L3MBTL1: variants seen among roughly 807,000 people sequenced by gnomAD.
L3MBTL1 encodes L3MBTL histone methyl-lysine binding protein 1.
L3MBTL1 carries 75 observed loss-of-function variants against 105.3 expected under a neutral mutation model. The ratio of observed to expected loss-of-function variants is 0.71; its 90% CI spans 0.59 to 0.86. The LOEUF is 0.86. Among genes scored for constraint, L3MBTL1 ranks in the 40% least tolerant of loss-of-function variants. The pLI is 0.00. For synonymous variants in L3MBTL1, 452 were observed against 436.2 expected (o/e 1.04, Z -0.45); for missense variants, 1,069 against 1,126.4 (o/e 0.95, Z 0.73).
chr20:43,534,913 A>C lies in L3MBTL1; in HGVS notation c.1796A>C (p.Lys599Thr). ...PDIHPAGWCS[K>T]TGHPLQPPLG... ...ATCCACCCTGCCGGCTGGTGCTCCA[A>C]GACAGGACATCCCCTGCAGCCTCCT... The change falls in exon 16 of 22, where the codon AAG (lysine) becomes ACG (threonine). Residue 599 changes from lysine to threonine, a missense_variant. Transcript: ENST00000418998. The C allele has an allele frequency of 1.2e-6, 2 of 1,606,444 alleles. No individual in the cohort carries two copies. The highest frequency in any genetic ancestry group is 1.7e-6 in the Non-Finnish European group (2 of 1,178,894).
chr20:43,526,205 A>G (rs1348471241), intron 7 of L3MBTL1, among the ~76,000 whole-genome samples: 1 of 152,196 alleles, frequency 6.6e-6, no homozygotes, highest in Non-Finnish European at 1.5e-5. Flanking sequence ...TCAGCCCCTT[A>G]GCTGATGTTA....
intron 5 of L3MBTL1, 55 bp downstream of exon 5, chr20:43,515,214 ATTCCTG>A: frequency 6.2e-7 from 1 of 1,613,928 alleles, no homozygotes; most frequent in Non-Finnish European, 8.5e-7. Context: ...CCAAAGCCTC[ATTCCTG>A]TTCAGGGGTT....
At chr20:43,528,975 G>T in intron 8 of L3MBTL1, 2 of 602,434 alleles carry the variant, frequency 3.3e-6, no homozygotes. Flanking sequence ...CACTGGGCCT[G>T]CAGACTTTTG....
At chr20:43,528,860 A>G in intron 8 of L3MBTL1, 115 bp downstream of exon 8, 1 of 805,554 alleles carries the variant, frequency 1.2e-6, no homozygotes, top group Non-Finnish European at 2.1e-6. Context: ...GGACTGGCAG[A>G]ATGGAAAGGG....
intron 18 of L3MBTL1, among the ~76,000 whole-genome samples, chr20:43,546,919 G>A (rs1426319034): frequency 1.3e-5 from 2 of 151,992 alleles, no homozygotes; most frequent in African/African-American, 4.8e-5. Context: ...CAAATTGCAA[G>A]TAACTCCTTT....
At position 43,536,441 on chromosome 20, in the gene L3MBTL1, C is replaced by T. The variant is rs757375651; in HGVS notation, c.2156C>T (p.Pro719Leu). The change falls in exon 19 of 22, where the codon CCG (proline) becomes CTG (leucine). Residue 719 changes from proline (P) to leucine (L), a missense_variant. Pro to Leu is a moderately conservative substitution (Grantham distance 98). Coordinates refer to ENST00000418998, the MANE Select transcript of L3MBTL1 (RefSeq NM_001377303.1). ...IGRPPKYRKI[P>L]QEDFQTLTPD... is the part of the protein sequence containing the mutation. ...CGCCCTCCGAAGTATCGAAAGATTC[C>T]GCAGGAAGATTTCCAGAGTAAGTCT... 29 of 1,613,874 alleles carry T rather than the reference C, an allele frequency of 1.8e-5. No individual in the cohort carries two copies. The East Asian group carries it at 4.0e-4, about 22-fold the overall frequency.
Position 43,541,141 on chromosome 20 carries a change from T to G in L3MBTL1, c.*13T>G. The G allele has an allele frequency of 6.2e-7, 1 of 1,608,162 alleles. No homozygotes were observed. Among genetic ancestry groups the G allele is most frequent in the Non-Finnish European group, 8.5e-7 (1 of 1,175,276 alleles). On this transcript the variant is annotated 3_prime_UTR_variant, in exon 22 of 22. Coordinates refer to ENST00000418998, the MANE Select transcript of L3MBTL1 (RefSeq NM_001377303.1). The stretch of plus-strand genomic sequence containing the variant: ...TAGTCAATATTAAAGTGTACTTTTT[T>G]CCCCTTTAATCCAATATAGTTGATA...
intron 14 of L3MBTL1, 57 bp downstream of exon 14, chr20:43,534,150 C>T: frequency 6.4e-7 from 1 of 1,563,058 alleles, no homozygotes. Context: ...GAGCACTCAG[C>T]TAGCCAGGCT....
At chr20:43,509,508 T>C (rs2145362578) in intron 1 of L3MBTL1, among the ~76,000 whole-genome samples, 1 of 152,354 alleles carries the variant, frequency 6.6e-6, no homozygotes, top group East Asian at 1.9e-4. Flanking sequence ...ATTACAGGCA[T>C]GAGCCACCAG....
chr20:43,525,082 G>A (rs911561574), intron 7 of L3MBTL1, among the ~76,000 whole-genome samples: 1 of 150,752 alleles, frequency 6.6e-6, no homozygotes, highest in African/African-American at 2.4e-5. Context: ...ACTAGGAGTT[G>A]GAATCAGTAG....
chr20:43,545,173 C>T (rs867375278), downstream of L3MBTL1, among the ~76,000 whole-genome samples: 4 of 152,132 alleles, frequency 2.6e-5, no homozygotes, highest in South Asian at 8.3e-4. Flanking sequence ...CAAGAGCAGC[C>T]TGGCCAACAT....
rs1479075137 is a variant in L3MBTL1 at position 43,529,475 on chromosome 20, C to T, written c.1056+107C>T. The T allele has an allele frequency of 1.0e-5, 8 of 785,432 alleles. No individual in the cohort carries two copies. In the Middle Eastern group the frequency reaches 9.4e-4, roughly 92 times the overall value. 48.7% of individuals were successfully genotyped at this position (785,432 alleles called of 1,614,324 possible). A position where few individuals can be genotyped will look rare whatever the true frequency, so the allele number is the denominator to read the frequency against. On this transcript the variant is annotated intron_variant, in intron 9 of 21. Coordinates refer to ENST00000418998, the MANE Select transcript of L3MBTL1 (RefSeq NM_001377303.1). ...CACCTCCCTCCCCTCAGAGCACACA[C>T]AATCTAGTAGTGGATGAAGCTGGAA...
At chr20:43,546,843 A>G (rs937741548), downstream of L3MBTL1, among the ~76,000 whole-genome samples, 1 of 152,224 alleles carries the variant, frequency 6.6e-6, no homozygotes, top group African/African-American at 2.4e-5. Context: ...ACCCCTGAGG[A>G]CATAACTTGC....
At chr20:43,515,456 C>T (rs1454351725) in intron 6 of L3MBTL1, 41 bp downstream of exon 6, 1 of 1,536,476 alleles carries the variant, frequency 6.5e-7, no homozygotes, top group Middle Eastern at 1.7e-4. Context: ...GAAGCTATAG[C>T]CTATGCCTCA....
Position 43,532,887 on chromosome 20 carries a change from G to A in L3MBTL1, c.1399G>A (p.Val467Met). 1 of 1,614,104 alleles carries A rather than the reference G, an allele frequency of 6.2e-7. No individual in the cohort carries two copies. Among genetic ancestry groups the A allele is most frequent in the Non-Finnish European group, 8.5e-7 (1 of 1,180,016 alleles). The change falls in exon 12 of 22, where the codon GTG becomes ATG. Residue 467 changes from valine to methionine, a missense_variant. Transcript: ENST00000418998. The stretch of plus-strand genomic sequence containing the variant: ...CGATGTGGTGGACAGCCGCTTCCTG[G>A]TGCACTTTGACAACTGGGATGATAC... ...VTDVVDSRFLVHFDNWDDTYD... is the reference protein window; with the variant it reads ...VTDVVDSRFLMHFDNWDDTYD...
chr20:43,514,541 T>A (rs376452961), intron 3 of L3MBTL1, 94 bp from the exon 4 acceptor site: 3 of 1,582,830 alleles, frequency 1.9e-6, no homozygotes, highest in Non-Finnish European at 2.6e-6. Flanking sequence ...GGGCGTGAGC[T>A]GGCATGAGGC....
Position 43,550,034 on chromosome 20 carries a change from T to G in L3MBTL1, c.*1789T>G, listed in dbSNP as rs1038924565. 2.6e-5 allele frequency: 4 copies of G among 152,122 alleles called. No homozygotes were observed. The East Asian group carries it at 7.7e-4, about 29-fold the overall frequency. The allele number at this position is 152,122 out of a possible 1,614,324, so 9.4% of individuals were successfully genotyped here. A position where few individuals can be genotyped will look rare whatever the true frequency, so the allele number is the denominator to read the frequency against. On this transcript the variant is annotated 3_prime_UTR_variant, in exon 19 of 19. Transcript: ENST00000422861. Reference sequence around the variant, plus strand: ...GAGGCAGCTTTGAGCACAGCCTTCCTGGAAGGAAGCTAGGCAAGACCTGCC... The same window carrying G: ...GAGGCAGCTTTGAGCACAGCCTTCCGGGAAGGAAGCTAGGCAAGACCTGCC...
chr20:43,541,004 T>G lies in L3MBTL1; in HGVS notation c.2465T>G (p.Leu822Arg), dbSNP rs373550426. 3 of 1,614,046 alleles carry G rather than the reference T, an allele frequency of 1.9e-6. No homozygotes were observed. The African/African-American group carries it at 4.0e-5, about 22-fold the overall frequency. Residue 822 changes from leucine to arginine, a missense_variant, in exon 22 of 22, where the codon CTT (leucine) becomes CGT (arginine). Transcript: ENST00000418998. ...LVWTVAQLGDLVCSDHLQEGK... is the reference protein window; with the variant it reads ...LVWTVAQLGDRVCSDHLQEGK... ...TGGACTGTGGCCCAGCTTGGGGACCTTGTGTGCTCAGATCATCTTCAGGAA... is the reference window on the plus strand; with the variant it reads ...TGGACTGTGGCCCAGCTTGGGGACCGTGTGTGCTCAGATCATCTTCAGGAA...
chr20:43,526,003 C>T (rs2019012358), intron 7 of L3MBTL1, among the ~76,000 whole-genome samples: 1 of 151,782 alleles, frequency 6.6e-6, no homozygotes, highest in Non-Finnish European at 1.5e-5. Context: ...TAGTACAGGC[C>T]CAGGGAGGGA....
Sources: gnomAD v4.1 joint callset for allele counts (sites outside exome capture counted in the v4.1 genomes callset) on GRCh38, gnomAD v4.1.1 for gene constraint, MANE v1.5 for transcripts, NCBI Gene and HGNC (gene_info 2026-07-23, HGNC 2026-07-21) for gene names.